The following CAMK2D variants were observed in gnomAD, a reference collection of about 807,000 sequenced individuals.
CAMK2D encodes calcium/calmodulin dependent protein kinase II delta.
A neutral mutation model predicts 84.0 loss-of-function variants in CAMK2D; 37 were observed. The observed-to-expected ratio is 0.44, with a 90% CI of 0.34 to 0.58. The LOEUF (loss-of-function observed/expected upper bound fraction) is 0.58, where lower values mean the gene tolerates loss of function less well. Ranked by LOEUF, CAMK2D falls within the 20% of genes least tolerant of loss-of-function variation. The pLI is 0.02. For missense variants in CAMK2D, 448 were observed against 652.5 expected (o/e 0.69, Z 3.41); for synonymous variants, 202 against 212.5 (o/e 0.95, Z 0.43).
intron 3 of CAMK2D, 99 bp downstream of exon 3, chr4:113,661,614 G>T (rs1195209332): frequency 3.6e-6 from 2 of 551,960 alleles, no homozygotes; most frequent in Non-Finnish European, 6.3e-6. Context: ...TTTTTTAAAA[G>T]TTATAAATAT....
intron 3 of CAMK2D, among the ~76,000 whole-genome samples, chr4:113,649,454 A>C (rs1458915997): frequency 3.9e-5 from 6 of 152,164 alleles, no homozygotes; most frequent in Non-Finnish European, 7.4e-5. Flanking sequence ...TGCGACAAAG[A>C]CTTTTAACTC....
chr4:113,590,807 T>C (rs909551219), intron 4 of CAMK2D, among the ~76,000 whole-genome samples: 8 of 152,178 alleles, frequency 5.3e-5, no homozygotes, highest in Admixed American at 1.3e-4. Context: ...AGTTAGATCT[T>C]TGCCCTCACT....
At chr4:113,474,438 A>C (rs970736260) in intron 16 of CAMK2D, among the ~76,000 whole-genome samples, 3 of 151,964 alleles carry the variant, frequency 2.0e-5, no homozygotes, top group African/African-American at 7.2e-5. Flanking sequence ...AGACGTGGAA[A>C]AGAGACAATG....
At chr4:113,467,702 G>C (rs2097492048) in intron 16 of CAMK2D, among the ~76,000 whole-genome samples, 1 of 152,168 alleles carries the variant, frequency 6.6e-6, no homozygotes, top group African/African-American at 2.4e-5. Flanking sequence ...AGTGACAGAA[G>C]TGGTATCAGG....
chr4:113,492,565 T>C (rs1199113308), intron 16 of CAMK2D, among the ~76,000 whole-genome samples: 1 of 152,114 alleles, frequency 6.6e-6, no homozygotes, highest in Non-Finnish European at 1.5e-5. Context: ...CTTCCAACTA[T>C]GTGGTCAATT....
intron 7 of CAMK2D, among the ~76,000 whole-genome samples, chr4:113,533,157 A>G (rs2098469145): frequency 2.0e-5 from 3 of 152,180 alleles, no homozygotes. Context: ...CATTTAAAAT[A>G]TAAATTATTA....
chr4:113,705,259 G>A lies in CAMK2D; in HGVS notation c.161-43487C>T, dbSNP rs975665770. ...GGAGAATGTAGTGAACCCAGGAGGC[G>A]GAGCTTGCGGTGAGCTGAGATCACC... On this transcript the variant is annotated intron_variant, in intron 2 of 20. Transcript: ENST00000511664. 2.7e-5 allele frequency among the ~76,000 whole-genome samples: 4 copies of A among 150,260 alleles called. No individual in the cohort carries two copies. In the South Asian group the frequency reaches 6.3e-4, roughly 24 times the overall value.
intron 2 of CAMK2D, among the ~76,000 whole-genome samples, chr4:113,666,146 T>C (rs1487720773): frequency 6.6e-5 from 10 of 152,178 alleles, no homozygotes; most frequent in Admixed American, 6.5e-4. Flanking sequence ...CTAGCCCTGA[T>C]TCACTTTCAC....
At chr4:113,489,768 A>T (rs2154136935) in intron 16 of CAMK2D, among the ~76,000 whole-genome samples, 1 of 134,486 alleles carries the variant, frequency 7.4e-6, no homozygotes, top group Non-Finnish European at 1.6e-5. Context: ...ACAGTGTAAA[A>T]GTGTTCCTAT....
rs992204382 is a variant in CAMK2D at position 113,761,673 on chromosome 4, G to C, written c.-605C>G. ...GGCGGCAGCGGCTCCGGCGAAGCGA[G>C]GCACCTTGGCGGCCTCGCGCTGCTC... On this transcript the variant is annotated 5_prime_UTR_variant, in exon 1 of 21. Transcript: ENST00000511664. 408 of 984,670 alleles carry C rather than the reference G, an allele frequency of 4.1e-4. No homozygotes were observed. The highest frequency in any genetic ancestry group is 4.7e-4 in the Non-Finnish European group (389 of 829,474). The allele number at this position is 984,670 out of a possible 1,614,324, so 61.0% of individuals were successfully genotyped here.
intron 2 of CAMK2D, among the ~76,000 whole-genome samples, chr4:113,743,676 G>C (rs551037830): frequency 1.3e-5 from 2 of 152,086 alleles, no homozygotes; most frequent in East Asian, 3.9e-4. Context: ...CCTCATCTGT[G>C]CCCAATAAAT....
chr4:113,472,881 T>C (rs975069576), intron 16 of CAMK2D, among the ~76,000 whole-genome samples: 5 of 152,242 alleles, frequency 3.3e-5, no homozygotes, highest in African/African-American at 4.8e-5. Flanking sequence ...ATTTAAATCC[T>C]TCTTTCTACA....
At chr4:113,726,375 T>C (rs1040822634) in intron 2 of CAMK2D, among the ~76,000 whole-genome samples, 27 of 34,184 alleles carry the variant, frequency 7.9e-4, no homozygotes, top group Non-Finnish European at 1.5e-3. Context: ...TTGCTTGGGC[T>C]TTTTTTTTTT....
rs551181446 is a variant in CAMK2D at position 113,641,983 on chromosome 4, C to G, written c.220+19730G>C. 2.6e-4 allele frequency among the ~76,000 whole-genome samples: 39 copies of G among 151,994 alleles called. 1 individual carries two copies. The South Asian group carries it at 7.9e-3, about 31-fold the overall frequency. On this transcript the variant is annotated intron_variant, in intron 3 of 20. Coordinates refer to ENST00000511664, the MANE Select transcript of CAMK2D (RefSeq NM_001321571.2). ...CAAGATCATGCCACTGCACTCCAGC[C>G]TGGGCAACAAGAGCGAAACTCAGTC... is the stretch of plus-strand genomic sequence containing the variant.
intron 4 of CAMK2D, among the ~76,000 whole-genome samples, chr4:113,560,093 G>T (rs1367965016): frequency 6.6e-6 from 1 of 152,170 alleles, no homozygotes; most frequent in African/African-American, 2.4e-5. Flanking sequence ...GTTGATCCCT[G>T]TGAGTGTGTA....
intron 19 of CAMK2D, 50 bp from the exon 20 acceptor site, chr4:113,455,871 T>C: frequency 9.3e-7 from 1 of 1,076,686 alleles, no homozygotes. Flanking sequence ...TGAAGTTTTC[T>C]TGAATAGGCT....
At chr4:113,606,401 C>T (rs546938606) in intron 4 of CAMK2D, among the ~76,000 whole-genome samples, 13 of 151,218 alleles carry the variant, frequency 8.6e-5, no homozygotes, top group African/African-American at 2.9e-4. Flanking sequence ...ACCCAGGAGG[C>T]GGCGGTTGCA....
At chr4:113,617,324 G>A (rs1038971332) in intron 3 of CAMK2D, among the ~76,000 whole-genome samples, 1 of 151,978 alleles carries the variant, frequency 6.6e-6, no homozygotes. Context: ...TTAGCTGGGT[G>A]TGGTCACCCA....
Position 113,691,374 on chromosome 4 carries a change from T to G in CAMK2D, c.161-29602A>C, listed in dbSNP as rs938548962. On this transcript the variant is annotated intron_variant, in intron 2 of 20. Coordinates refer to ENST00000511664, the MANE Select transcript of CAMK2D (RefSeq NM_001321571.2). ...ACTAGCTGGAAAGAAGTGCACATGC[T>G]AATGGAAGGAATAAAGGTAATGCTA... Among the ~76,000 whole-genome samples the G allele has an allele frequency of 9.2e-5, 14 of 152,156 alleles. No individual in the cohort carries two copies. The East Asian group carries it at 2.3e-3, about 25-fold the overall frequency.
Sources: gnomAD v4.1 joint callset for allele counts (sites outside exome capture counted in the v4.1 genomes callset) on GRCh38, gnomAD v4.1.1 for gene constraint, MANE v1.5 for transcripts, NCBI Gene and HGNC (gene_info 2026-07-23, HGNC 2026-07-21) for gene names.